CFAP53: variants seen among roughly 807,000 people sequenced by gnomAD.
CFAP53 encodes the protein cilia and flagella associated protein 53.
Under a neutral mutation model 59.7 loss-of-function variants are expected in CFAP53, and 62 were observed. The ratio of observed to expected loss-of-function variants is 1.04; its 90% CI spans 0.85 to 1.28. The LOEUF (loss-of-function observed/expected upper bound fraction) is 1.28, where lower values mean the gene tolerates loss of function less well. Ranked by LOEUF, CFAP53 falls within the 50% of genes most tolerant of loss-of-function variation. CFAP53 has a pLI of 0.00. For synonymous variants in CFAP53, 218 were observed against 205.7 expected (o/e 1.06, Z -0.51); for missense variants, 629 against 615.6 (o/e 1.02, Z -0.23).
intron 5 of CFAP53, among the ~76,000 whole-genome samples, chr18:50,243,329 T>C (rs1220150973): frequency 6.6e-6 from 1 of 152,054 alleles, no homozygotes; most frequent in Non-Finnish European, 1.5e-5. Flanking sequence ...TGGCCATCAG[T>C]TGATGGTTGT....
At chr18:50,242,680 C>A (rs997259776) in intron 6 of CFAP53, among the ~76,000 whole-genome samples, 15 of 152,176 alleles carry the variant, frequency 9.9e-5, no homozygotes, top group African/African-American at 3.1e-4. Flanking sequence ...TGTACTGTTC[C>A]TTTAACCTTG....
Position 50,227,955 on chromosome 18 carries a change from C to CTTTTTTTTTT in CFAP53, c.1317-356_1317-347dup, listed in dbSNP as rs1191228047. Among the ~76,000 whole-genome samples the CTTTTTTTTTT allele has an allele frequency of 1.3e-3, 117 of 90,086 alleles. 5 individuals are homozygous for CTTTTTTTTTT. Among genetic ancestry groups the CTTTTTTTTTT allele is most frequent in the Admixed American group, 1.6e-3 (9 of 5,598 alleles). The allele number at this position is 90,086 out of a possible 152,430, so 59.1% of individuals were successfully genotyped here. On this transcript the variant is annotated intron_variant, in intron 7 of 7. Coordinates refer to ENST00000398545, the MANE Select transcript of CFAP53 (RefSeq NM_145020.5). ...CAAACTGCTCAATTCAACTTTTCTC[C>CTTTTTTTTTT]TTTTTTTTTTTTTTTTTTTTTTGAG... is the stretch of plus-strand genomic sequence containing the variant.
chr18:50,255,633 T>C (rs1015389209), intron 3 of CFAP53, among the ~76,000 whole-genome samples: 5 of 152,104 alleles, frequency 3.3e-5, no homozygotes, highest in Non-Finnish European at 7.4e-5. Context: ...ATTTCATTAT[T>C]ATTGCTGAAA....
chr18:50,266,464 C>G lies in CFAP53; in HGVS notation c.-60G>C, dbSNP rs553328413. Reference sequence around the variant, plus strand: ...CCGCGTTTCCCCCAACCGTGGCGACCTGCGGGACCCGCTTCCGCGACGCAG... The same window carrying G: ...CCGCGTTTCCCCCAACCGTGGCGACGTGCGGGACCCGCTTCCGCGACGCAG... On this transcript the variant is annotated 5_prime_UTR_variant, in exon 1 of 8. Transcript: ENST00000398545. 9.1e-6 allele frequency: 14 copies of G among 1,538,126 alleles called. No homozygotes were observed. The highest frequency in any genetic ancestry group is 3.3e-5 in the Admixed American group (2 of 59,886).
chr18:50,236,513 G>A (rs1480066683), intron 7 of CFAP53, among the ~76,000 whole-genome samples: 2 of 152,094 alleles, frequency 1.3e-5, no homozygotes, highest in Admixed American at 1.3e-4. Context: ...GCTCTTAACT[G>A]GCCTGGCAGC....
intron 3 of CFAP53, among the ~76,000 whole-genome samples, chr18:50,260,644 A>G (rs528715265): frequency 6.6e-6 from 1 of 152,284 alleles, no homozygotes; most frequent in Admixed American, 6.5e-5. Flanking sequence ...CCTGGATGAC[A>G]GAGCAAGACC....
At chr18:50,247,479 A>T (rs908442603) in intron 5 of CFAP53, among the ~76,000 whole-genome samples, 3 of 152,236 alleles carry the variant, frequency 2.0e-5, no homozygotes, top group African/African-American at 7.2e-5. Flanking sequence ...AAAAATAAAA[A>T]CATATGTCCA....
At chr18:50,260,979 AC>A in intron 3 of CFAP53, 84 bp downstream of exon 3, 1 of 1,350,142 alleles carries the variant, frequency 7.4e-7, no homozygotes, top group Non-Finnish European at 1.0e-6. Flanking sequence ...TCCTCTTAAG[AC>A]TAATTTACTT....
chr18:50,240,334 CCAA>C (rs2033678919), intron 6 of CFAP53, among the ~76,000 whole-genome samples: 1 of 152,188 alleles, frequency 6.6e-6, no homozygotes, highest in South Asian at 2.1e-4. Flanking sequence ...CTGACTCATT[CCAA>C]TTACCTGCTC....
At chr18:50,259,027 T>C (rs879159204) in intron 3 of CFAP53, among the ~76,000 whole-genome samples, 1 of 152,192 alleles carries the variant, frequency 6.6e-6, no homozygotes, top group Non-Finnish European at 1.5e-5. Context: ...ACAACCACTA[T>C]GGAGAACAGT....
At chr18:50,234,897 A>G (rs2033616774) in intron 7 of CFAP53, among the ~76,000 whole-genome samples, 1 of 152,218 alleles carries the variant, frequency 6.6e-6, no homozygotes, top group African/African-American at 2.4e-5. Context: ...GTTTGCAGGT[A>G]TACCCATGCT....
chr18:50,230,408 G>A (rs2144399750), intron 7 of CFAP53, among the ~76,000 whole-genome samples: 1 of 152,310 alleles, frequency 6.6e-6, no homozygotes, highest in South Asian at 2.1e-4. Context: ...TGTTCTGAGG[G>A]CATCTGTGAT....
chr18:50,239,795 T>A (rs4939623), intron 6 of CFAP53, among the ~76,000 whole-genome samples: 45,284 of 152,132 alleles, frequency 0.3, 7,676 homozygotes, highest in East Asian at 0.65. Context: ...AAGAAAATTA[T>A]ATATGTAGTA....
intron 5 of CFAP53, among the ~76,000 whole-genome samples, chr18:50,246,760 T>C (rs1430683691): frequency 2.6e-5 from 4 of 152,062 alleles, no homozygotes; most frequent in Admixed American, 1.3e-4. Context: ...TATAAAGAAC[T>C]CTTGGCCAGG....
chr18:50,261,252 C>CAAAAAA lies in CFAP53; in HGVS notation c.300-21_300-16dup, dbSNP rs71169499. The CAAAAAA allele has an allele frequency of 1.2e-5, 15 of 1,215,700 alleles. No homozygotes were observed. Among genetic ancestry groups the CAAAAAA allele is most frequent in the African/African-American group, 5.7e-5 (3 of 52,598 alleles). The allele number at this position is 1,215,700 out of a possible 1,614,324, so 75.3% of individuals were successfully genotyped here. ...GCTCACGTAGCCTGAAACAAAAAGC[C>CAAAAAA]AAAAAAAAAAAAAAAAAAAGAAAAC... On this transcript the variant is annotated splice_polypyrimidine_tract_variant and intron_variant, in intron 2 of 7. Coordinates refer to ENST00000398545, the MANE Select transcript of CFAP53 (RefSeq NM_145020.5).
intron 5 of CFAP53, among the ~76,000 whole-genome samples, chr18:50,244,729 C>A (rs1285765636): frequency 6.6e-6 from 1 of 152,002 alleles, no homozygotes; most frequent in African/African-American, 2.4e-5. Context: ...GCAATCTGAG[C>A]ACCAAAAAGA....
At chr18:50,262,240 T>C (rs1238986801) in intron 1 of CFAP53, 21 bp from the exon 2 acceptor site, 2 of 1,583,350 alleles carry the variant, frequency 1.3e-6, no homozygotes, top group South Asian at 1.1e-5. Flanking sequence ...AAACCAACTA[T>C]CACTTATAAT....
rs1447828129 is a variant in CFAP53 at position 50,243,946 on chromosome 18, C to T, written c.997-830G>A. ...CAGCCTGGGCGACAGAGCGAGACTC[C>T]GTTTCAAAAAAAAAAAAACAAAAAC... is the stretch of plus-strand genomic sequence containing the variant. On this transcript the variant is annotated intron_variant, in intron 5 of 7. Transcript: ENST00000398545. Among the ~76,000 whole-genome samples the T allele has an allele frequency of 2.7e-5, 4 of 148,596 alleles. 1 individual carries two copies. The highest frequency in any genetic ancestry group is 4.2e-4 in the South Asian group (2 of 4,708).
At chr18:50,231,589 T>C (rs1319228088) in intron 7 of CFAP53, among the ~76,000 whole-genome samples, 1 of 152,188 alleles carries the variant, frequency 6.6e-6, no homozygotes, top group Non-Finnish European at 1.5e-5. Context: ...GTTTACTTTC[T>C]CTTTTCAGCC....
Sources: gnomAD v4.1 joint callset for allele counts (sites outside exome capture counted in the v4.1 genomes callset) on GRCh38, gnomAD v4.1.1 for gene constraint, MANE v1.5 for transcripts, NCBI Gene and HGNC (gene_info 2026-07-23, HGNC 2026-07-21) for gene names.